The following LRP1B variants were observed in gnomAD, a reference collection of about 807,000 sequenced individuals.
LRP1B encodes LDL receptor related protein 1B, also known as low-density lipoprotein receptor-related protein 1B.
Under a neutral mutation model 556.6 loss-of-function variants are expected in LRP1B, and 217 were observed. The ratio of observed to expected loss-of-function variants is 0.39; its 90% CI spans 0.35 to 0.44. The LOEUF (loss-of-function observed/expected upper bound fraction) is 0.44, where lower values mean the gene tolerates loss of function less well. LRP1B is among the 20% of genes least tolerant of loss of function. LRP1B has a pLI of 1.00. For missense variants in LRP1B, 5,053 were observed against 5,620.8 expected (o/e 0.90, Z 3.23); for synonymous variants, 2,047 against 1,865.8 (o/e 1.10, Z -2.50).
chr2:140,404,456 G>A (rs984365055), intron 66 of LRP1B, among the ~76,000 whole-genome samples: 1 of 151,982 alleles, frequency 6.6e-6, no homozygotes, highest in African/African-American at 2.4e-5. Flanking sequence ...GCAGGCATGA[G>A]CCACCGTGCC....
At chr2:140,450,699 C>T in intron 62 of LRP1B, 38 bp from the exon 63 acceptor site, 2 of 1,408,004 alleles carry the variant, frequency 1.4e-6, no homozygotes, top group Non-Finnish European at 2.0e-6. Flanking sequence ...TGTTGAAGAA[C>T]CCAGTGCATA....
chr2:141,662,059 G>A (rs1171686233), intron 2 of LRP1B, among the ~76,000 whole-genome samples: 1 of 152,144 alleles, frequency 6.6e-6, no homozygotes, highest in Non-Finnish European at 1.5e-5. Context: ...TTCCAATCGA[G>A]AAATTCATAT....
At chr2:142,056,685 A>AT (rs1704684572) in intron 1 of LRP1B, among the ~76,000 whole-genome samples, 1 of 152,140 alleles carries the variant, frequency 6.6e-6, no homozygotes, top group African/African-American at 2.4e-5. Context: ...ACAAATTGTT[A>AT]TTTTGTCCTT....
intron 1 of LRP1B, among the ~76,000 whole-genome samples, chr2:142,032,823 C>T (rs1200726097): frequency 6.6e-6 from 1 of 151,688 alleles, no homozygotes; most frequent in Non-Finnish European, 1.5e-5. Context: ...GGAGGCAGAC[C>T]GAAGACCAAA....
intron 3 of LRP1B, among the ~76,000 whole-genome samples, chr2:141,450,818 A>T (rs1352440595): frequency 6.6e-6 from 1 of 152,132 alleles, no homozygotes; most frequent in African/African-American, 2.4e-5. Flanking sequence ...TTCTTGTCAT[A>T]TACAATATAT....
At chr2:141,155,179 C>T (rs1462248910) in intron 7 of LRP1B, among the ~76,000 whole-genome samples, 1 of 151,698 alleles carries the variant, frequency 6.6e-6, no homozygotes, top group Non-Finnish European at 1.5e-5. Flanking sequence ...CAAAATTTTT[C>T]CCCCTAAGTC....
intron 41 of LRP1B, among the ~76,000 whole-genome samples, chr2:140,651,574 G>A (rs1684689463): frequency 2.0e-5 from 3 of 150,444 alleles, no homozygotes; most frequent in Admixed American, 2.0e-4. Context: ...TCTTATGTAG[G>A]GAGATGCAGT....
chr2:141,540,033 A>C (rs1685200188), intron 2 of LRP1B, among the ~76,000 whole-genome samples: 1 of 152,202 alleles, frequency 6.6e-6, no homozygotes, highest in South Asian at 2.1e-4. Flanking sequence ...ATAGCTCCTA[A>C]CTTGAACTAA....
intron 7 of LRP1B, among the ~76,000 whole-genome samples, chr2:141,146,929 T>G (rs1448598404): frequency 6.6e-6 from 1 of 152,156 alleles, no homozygotes; most frequent in Non-Finnish European, 1.5e-5. Flanking sequence ...ACAAGAAAGA[T>G]CCTTTGTTCT....
At chr2:141,428,645 C>A (rs1680458436) in intron 3 of LRP1B, among the ~76,000 whole-genome samples, 5 of 152,122 alleles carry the variant, frequency 3.3e-5, no homozygotes, top group Admixed American at 3.3e-4. Flanking sequence ...GATGCTTTGG[C>A]TTTCCTGAGT....
At chr2:142,129,946 G>A (rs1707789729) in intron 1 of LRP1B, among the ~76,000 whole-genome samples, 1 of 152,046 alleles carries the variant, frequency 6.6e-6, no homozygotes, top group African/African-American at 2.4e-5. Flanking sequence ...TTCACCAGCT[G>A]CTTGGAGAAA....
At chr2:140,366,474 G>C (rs1573851928) in intron 71 of LRP1B, among the ~76,000 whole-genome samples, 1 of 151,758 alleles carries the variant, frequency 6.6e-6, no homozygotes, top group East Asian at 1.9e-4. Context: ...TATAGGATAG[G>C]TTTTTGAGCT....
intron 2 of LRP1B, among the ~76,000 whole-genome samples, chr2:141,778,268 A>G (rs1304569047): frequency 3.9e-5 from 6 of 152,222 alleles, no homozygotes; most frequent in African/African-American, 1.4e-4. Flanking sequence ...ACATTAGATT[A>G]AATGTGATTC....
At chr2:141,367,024 TA>T (rs1689065504) in intron 3 of LRP1B, among the ~76,000 whole-genome samples, 1 of 152,214 alleles carries the variant, frequency 6.6e-6, no homozygotes, top group South Asian at 2.1e-4. Context: ...GTTATGTGAT[TA>T]TGGACTTGCC....
rs899302095 is a variant in LRP1B at position 141,784,067 on chromosome 2, G to C, written c.205+26212C>G. Among the ~76,000 whole-genome samples the C allele has an allele frequency of 2.0e-5, 3 of 151,758 alleles. No homozygotes were observed. In the South Asian group the frequency reaches 6.2e-4, roughly 31 times the overall value. On this transcript the variant is annotated intron_variant, in intron 2 of 90. Transcript: ENST00000389484. ...TTCTAGTTTACTTTTTTAAGTGATC[G>C]CATTTGTTGGTACTTTAAAAGTGAT...
chr2:141,646,237 T>C (rs1170768244), intron 2 of LRP1B, among the ~76,000 whole-genome samples: 1 of 152,184 alleles, frequency 6.6e-6, no homozygotes, highest in Non-Finnish European at 1.5e-5. Flanking sequence ...CATGTTTGTA[T>C]TGAAATGTAT....
In LRP1B at chr2:140,516,987, T is replaced by G. The variant is rs764186352; in HGVS notation, c.8051A>C (p.Glu2684Ala). Residue 2684 changes from glutamate to alanine, a missense_variant, in exon 50 of 91, where the codon GAA becomes GCA. By Grantham distance (107) the Glu-to-Ala change is moderately radical. This residue lies in a region of LRP1B where 3,619 missense variants were observed against 3,931.9 expected (regional missense o/e 0.92). Transcript: ENST00000389484. ...TCCACTAGGACAACTAAAATAATTTTCTTCACATTTGTGTTTGTTTTGAAC... is the reference window on the plus strand; with the variant it reads ...TCCACTAGGACAACTAAAATAATTTGCTTCACATTTGTGTTTGTTTTGAAC... The part of the protein sequence containing the change: ...CPVQNKHKCE[E>A]NYFSCPSGRC... 1 of 1,595,538 alleles carries G rather than the reference T, an allele frequency of 6.3e-7. No homozygotes were observed. The highest frequency in any genetic ancestry group is 1.1e-5 in the South Asian group (1 of 90,736).
At chr2:140,507,352 C>A (rs2104909204) in intron 52 of LRP1B, among the ~76,000 whole-genome samples, 1 of 152,060 alleles carries the variant, frequency 6.6e-6, no homozygotes, top group South Asian at 2.1e-4. Flanking sequence ...AAGAGCAATG[C>A]TAATGTTCAT....
At chr2:141,054,599 A>T (rs540179502) in intron 10 of LRP1B, among the ~76,000 whole-genome samples, 6 of 150,908 alleles carry the variant, frequency 4.0e-5, no homozygotes, top group African/African-American at 1.4e-4. Flanking sequence ...CTTTTTGATA[A>T]AATCATTAAA....
Sources: gnomAD v4.1 joint callset for allele counts (sites outside exome capture counted in the v4.1 genomes callset) on GRCh38, gnomAD v4.1.1 for gene constraint, gnomAD v4.1.1 regional missense constraint, MANE v1.5 for transcripts, NCBI Gene and HGNC (gene_info 2026-07-23, HGNC 2026-07-21) for gene names.